Variants in CYP3A7 observed in about 807,000 individuals in gnomAD.
CYP3A7 encodes cytochrome P450 family 3 subfamily A member 7.
A neutral mutation model predicts 55.2 loss-of-function variants in CYP3A7; 45 were observed. That is an observed-to-expected ratio of 0.82 (90% confidence interval 0.64 to 1.05). The LOEUF (loss-of-function observed/expected upper bound fraction) is 1.05, where lower values mean the gene tolerates loss of function less well. CYP3A7 is among the 50% of genes least tolerant of loss of function. CYP3A7 has a pLI of 0.00. For missense variants in CYP3A7, 548 were observed against 605.3 expected, an observed-to-expected ratio of 0.91 and a Z score of 0.99; for synonymous variants, 180 against 207.4, an observed-to-expected ratio of 0.87 and a Z score of 1.13.
chr7:99,733,776 A>G (rs1282362957), intron 1 of CYP3A7, among the ~76,000 whole-genome samples: 2 of 152,190 alleles, frequency 1.3e-5, no homozygotes, highest in Non-Finnish European at 2.9e-5. Flanking sequence ...TCCTACCTGG[A>G]TGCTTTTGCT....
intron 9 of CYP3A7, among the ~76,000 whole-genome samples, chr7:99,712,708 G>C (rs2222411): frequency 0.76 from 115,901 of 152,136 alleles, 47,128 homozygotes; most frequent in Non-Finnish European, 0.91. Context: ...ATTTAAATCT[G>C]TATGCCAAAG....
intron 1 of CYP3A7, 113 bp downstream of exon 1, chr7:99,734,910 C>T: frequency 6.5e-7 from 1 of 1,537,524 alleles, no homozygotes; most frequent in Non-Finnish European, 9.0e-7. Context: ...TGTGAGCCAC[C>T]ACGGCCAGCC....
chr7:99,710,657 T>G, intron 10 of CYP3A7, 75 bp downstream of exon 10: 1 of 1,609,380 alleles, frequency 6.2e-7, no homozygotes, highest in Non-Finnish European at 8.5e-7. Flanking sequence ...ATAAAAATTC[T>G]CCTGGGAAGT....
intron 9 of CYP3A7, 127 bp from the exon 10 acceptor site, chr7:99,711,019 T>A: frequency 6.7e-7 from 1 of 1,484,916 alleles, no homozygotes; most frequent in Non-Finnish European, 9.1e-7. Context: ...ATTCAGAGTC[T>A]CACTGGGGGT....
intron 6 of CYP3A7, among the ~76,000 whole-genome samples, chr7:99,716,968 T>C (rs1263245709): frequency 6.6e-6 from 1 of 152,226 alleles, no homozygotes; most frequent in Non-Finnish European, 1.5e-5. Flanking sequence ...CCCTGACCTC[T>C]GTGCACAGGG....
chr7:99,728,647 T>C (rs1317029705), intron 2 of CYP3A7, among the ~76,000 whole-genome samples: 1 of 152,222 alleles, frequency 6.6e-6, no homozygotes, highest in Admixed American at 6.5e-5. Context: ...CTAGTATTTC[T>C]TATTCCCAAA....
chr7:99,714,790 G>A (rs751539809), intron 7 of CYP3A7, 108 bp from the exon 8 acceptor site: 48 of 1,527,714 alleles, frequency 3.1e-5, no homozygotes, highest in Non-Finnish European at 4.2e-5. Context: ...ATACATCAGT[G>A]TTCTCAACTG....
At chr7:99,716,045 C>CCCATCACACTCCCTCAGAAGGTGATTA (rs1813933772) in intron 6 of CYP3A7, 139 bp from the exon 7 acceptor site, 3 of 1,529,056 alleles carry the variant, frequency 2.0e-6, no homozygotes, top group Non-Finnish European at 2.7e-6. Flanking sequence ...TGGAGCATCT[C>CCCATCACACTCCCTCAGAAGGTGATTA]CCATCACACT....
At chr7:99,721,635 C>A (rs1254137149) in intron 3 of CYP3A7, among the ~76,000 whole-genome samples, 1 of 152,176 alleles carries the variant, frequency 6.6e-6, no homozygotes, top group Non-Finnish European at 1.5e-5. Context: ...CTAGTTTAGA[C>A]CGAAGACCTC....
intron 4 of CYP3A7, among the ~76,000 whole-genome samples, chr7:99,719,513 CT>C (rs1380195562): frequency 6.6e-6 from 1 of 152,088 alleles, no homozygotes; most frequent in Non-Finnish European, 1.5e-5. Flanking sequence ...AAGCATTAAA[CT>C]TTATGACTTT....
At position 99,717,638 on chromosome 7, in the gene CYP3A7, G is replaced by C; in HGVS notation, c.320C>G (p.Pro107Arg). 1 of 1,613,410 alleles carries C rather than the reference G, an allele frequency of 6.2e-7. No homozygotes were observed. Among genetic ancestry groups the C allele is most frequent in the Non-Finnish European group, 8.5e-7 (1 of 1,179,646 alleles). The change falls in exon 5 of 13, where the codon CCT (proline) becomes CGT (arginine). Residue 107 changes from proline (P) to arginine (R), a missense_variant and splice_region_variant. By Grantham distance (103) the Pro-to-Arg change is moderately radical. Coordinates refer to ENST00000336374, the MANE Select transcript of CYP3A7 (RefSeq NM_000765.5). ...ECYSVFTNRR[P>R]FGPVGFMKNA... Reference sequence around the variant, plus strand: ...TTTCATAAATCCCACTGGCCCGAAAGGCTAGAGTTCAAAGCAGAAAGATTT... The same window carrying C: ...TTTCATAAATCCCACTGGCCCGAAACGCTAGAGTTCAAAGCAGAAAGATTT...
intron 4 of CYP3A7, among the ~76,000 whole-genome samples, chr7:99,718,133 GA>G (rs1814042105): frequency 2.0e-5 from 3 of 152,198 alleles, no homozygotes; most frequent in South Asian, 2.1e-4. Context: ...GGGGTGGGGA[GA>G]GGGGGGAAGG....
Position 99,714,688 on chromosome 7 carries a change from G to GA in CYP3A7, c.671-7dup, listed in dbSNP as rs4646463. ...GGTAAGGAATGGAAAGACTTCTGTA[G>GA]AAAAAAAAAACCAACAGAAAACGAA... is the stretch of plus-strand genomic sequence containing the variant. On this transcript the variant is annotated splice_polypyrimidine_tract_variant and splice_region_variant and intron_variant, in intron 7 of 12. Transcript: ENST00000336374. 8.1e-3 allele frequency: 10,036 copies of GA among 1,244,426 alleles called. 1 individual carries two copies. Among genetic ancestry groups the GA allele is most frequent in the East Asian group, 0.016 (531 of 32,288 alleles). The allele number at this position is 1,244,426 out of a possible 1,614,324, so 77.1% of individuals were successfully genotyped here.
intron 10 of CYP3A7, among the ~76,000 whole-genome samples, chr7:99,709,786 G>T (rs143941573): frequency 0.01 from 1,574 of 151,832 alleles, 32 homozygotes; most frequent in African/African-American, 0.036. Context: ...GTGTGTGTGT[G>T]TGTATATATA....
intron 6 of CYP3A7, among the ~76,000 whole-genome samples, chr7:99,716,615 C>T (rs971610092): frequency 6.6e-6 from 1 of 152,162 alleles, no homozygotes; most frequent in Admixed American, 6.5e-5. Flanking sequence ...ACCTGTTGTT[C>T]CTGCATAAGT....
intron 2 of CYP3A7, among the ~76,000 whole-genome samples, chr7:99,722,813 T>A (rs1484929533): frequency 6.6e-6 from 1 of 152,188 alleles, no homozygotes; most frequent in African/African-American, 2.4e-5. Context: ...CTAGCAGAAT[T>A]AGAAAGTTAC....
Position 99,720,351 on chromosome 7 carries a change from G to C in CYP3A7, c.280C>G (p.Leu94Val). The C allele has an allele frequency of 6.2e-7, 1 of 1,613,684 alleles. No individual in the cohort carries two copies. Among genetic ancestry groups the C allele is most frequent in the African/African-American group, 1.3e-5 (1 of 75,016 alleles). Reference protein sequence around the residue: ...ITDPDMIKTVLVKECYSVFTN... With the variant: ...ITDPDMIKTVVVKECYSVFTN... ...AAGACAGAATAACATTCTTTCACTA[G>C]CACTGTTTTGATCATGTCGGGATCT... Residue 94 changes from leucine to valine, a missense_variant, in exon 4 of 13, where the codon CTA (leucine) becomes GTA (valine). Physicochemically the swap from Leu to Val is conservative, Grantham distance 32. Coordinates refer to ENST00000336374, the MANE Select transcript of CYP3A7 (RefSeq NM_000765.5).
Position 99,735,167 on chromosome 7 carries a change from G to A in CYP3A7, c.-74C>T, listed in dbSNP as rs1814784141. The A allele has an allele frequency of 4.4e-6, 7 of 1,589,034 alleles. No homozygotes were observed. In the East Asian group the frequency reaches 1.4e-4, roughly 31 times the overall value. ...CGTGCTGCTGTTTGCTGGGCTGTGT[G>A]TGTGGAGCTTTCCTGCCCTGCACAG... On this transcript the variant is annotated 5_prime_UTR_variant, in exon 1 of 13. Transcript: ENST00000336374.
rs771489378 is a variant in CYP3A7, at chr7:99,708,884, G to A, written c.1253+151C>T. Reference sequence around the variant, plus strand: ...TTATCTAGTCTGTGGTTTGTAAAGTGTGACAATGATCAATTTCATGATTTG... The same window carrying A: ...TTATCTAGTCTGTGGTTTGTAAAGTATGACAATGATCAATTTCATGATTTG... On this transcript the variant is annotated intron_variant, in intron 11 of 12. Coordinates refer to ENST00000336374, the MANE Select transcript of CYP3A7 (RefSeq NM_000765.5). 4.5e-4 allele frequency: 422 copies of A among 932,726 alleles called. 1 individual carries two copies. Among genetic ancestry groups the A allele is most frequent in the Middle Eastern group, 9.3e-4 (3 of 3,210 alleles). The allele number at this position is 932,726 out of a possible 1,614,324, so 57.8% of individuals were successfully genotyped here.
Sources: allele counts gnomAD v4.1 joint callset (sites outside exome capture counted in the v4.1 genomes callset), GRCh38; gene constraint gnomAD v4.1.1; transcripts MANE v1.5; gene names NCBI Gene and HGNC (gene_info 2026-07-23, HGNC 2026-07-21).